The following WWOX variants were observed in gnomAD, a reference collection of about 807,000 sequenced individuals.
WWOX encodes the protein WW domain-containing oxidoreductase.
Under a neutral mutation model 46.2 loss-of-function variants are expected in WWOX, and 69 were observed. The observed-to-expected ratio is 1.49, with a 90% CI of 1.23 to 1.82. The LOEUF (loss-of-function observed/expected upper bound fraction) is 1.82. Among genes scored for constraint, WWOX ranks in the 40% most tolerant of loss-of-function variants. WWOX has a pLI of 0.00. For missense variants in WWOX, 919 were observed against 542.6 expected, an observed-to-expected ratio of 1.69 and a Z score of -6.89; for synonymous variants, 359 against 202.6, an observed-to-expected ratio of 1.77 and a Z score of -6.56.
At chr16:79,153,733 C>T (rs940317362) in intron 8 of WWOX, among the ~76,000 whole-genome samples, 3 of 152,126 alleles carry the variant, frequency 2.0e-5, no homozygotes, top group Non-Finnish European at 4.4e-5. Context: ...TGAAAGCAAC[C>T]TTTAGTATCA....
chr16:78,658,346 C>T (rs1337035456), intron 8 of WWOX, among the ~76,000 whole-genome samples: 1 of 152,176 alleles, frequency 6.6e-6, no homozygotes, highest in Non-Finnish European at 1.5e-5. Context: ...TCATTATGTG[C>T]CATGCCCTGC....
intron 8 of WWOX, among the ~76,000 whole-genome samples, chr16:78,575,807 C>G (rs984108039): frequency 6.6e-6 from 1 of 152,074 alleles, no homozygotes; most frequent in Non-Finnish European, 1.5e-5. Context: ...TAATGCCTGT[C>G]TATACTTTCA....
intron 8 of WWOX, among the ~76,000 whole-genome samples, chr16:79,018,759 A>C (rs749604416): frequency 2.0e-5 from 3 of 152,184 alleles, no homozygotes; most frequent in Non-Finnish European, 4.4e-5. Flanking sequence ...ATTTTCGGCA[A>C]GTGGTTCTGT....
At chr16:78,900,090 G>A (rs1178766260) in intron 8 of WWOX, among the ~76,000 whole-genome samples, 1 of 142,712 alleles carries the variant, frequency 7.0e-6, no homozygotes, top group South Asian at 2.2e-4. Flanking sequence ...CCTGCAGAGA[G>A]CGTTGCTGCT....
chr16:78,893,475 C>G (rs1456161349), intron 8 of WWOX, among the ~76,000 whole-genome samples: 1 of 152,152 alleles, frequency 6.6e-6, no homozygotes, highest in Non-Finnish European at 1.5e-5. Context: ...CATCTCCAGG[C>G]TAGAACAAGT....
At chr16:78,371,078 C>G (rs961523911) in intron 5 of WWOX, among the ~76,000 whole-genome samples, 6 of 149,818 alleles carry the variant, frequency 4.0e-5, no homozygotes, top group Admixed American at 6.7e-5. Flanking sequence ...AATTAGCATT[C>G]AAACTAATCG....
intron 8 of WWOX, among the ~76,000 whole-genome samples, chr16:79,143,694 T>G (rs2050132865): frequency 6.6e-6 from 1 of 152,142 alleles, no homozygotes; most frequent in African/African-American, 2.4e-5. Context: ...GTGTGGTGAC[T>G]CATTTGAACC....
At chr16:78,563,562 C>T (rs1472392984) in intron 8 of WWOX, among the ~76,000 whole-genome samples, 5 of 136,832 alleles carry the variant, frequency 3.7e-5, no homozygotes, top group South Asian at 2.3e-4. Flanking sequence ...TGCAATAGAA[C>T]GTAAAGGTAG....
At chr16:78,964,431 C>G (rs59064947) in intron 8 of WWOX, among the ~76,000 whole-genome samples, 1 of 152,138 alleles carries the variant, frequency 6.6e-6, no homozygotes, top group Non-Finnish European at 1.5e-5. Flanking sequence ...TTTGCCCCTG[C>G]GCTAGAGATT....
At chr16:79,058,106 TAAAAAAAAAAAAAACAAACAAACA>T (rs1567520545) in intron 8 of WWOX, among the ~76,000 whole-genome samples, 3 of 81,730 alleles carry the variant, frequency 3.7e-5, no homozygotes, top group African/African-American at 1.7e-4. Context: ...ATATCTTACT[TAAAAAAAAAAAAAACAAACAAACA>T]AAAAAAAAAA....
intron 5 of WWOX, among the ~76,000 whole-genome samples, chr16:78,178,664 G>T (rs1025067778): frequency 6.6e-6 from 1 of 152,090 alleles, no homozygotes; most frequent in Non-Finnish European, 1.5e-5. Context: ...TTAGGAGTTC[G>T]AGACCAGCCT....
At chr16:78,904,991 C>A (rs1325533882) in intron 8 of WWOX, among the ~76,000 whole-genome samples, 2 of 152,190 alleles carry the variant, frequency 1.3e-5, no homozygotes, top group African/African-American at 4.8e-5. Flanking sequence ...AGTACCTCAT[C>A]CTATAGTGTT....
At chr16:78,968,929 A>G (rs1283376571) in intron 8 of WWOX, among the ~76,000 whole-genome samples, 1 of 152,192 alleles carries the variant, frequency 6.6e-6, no homozygotes, top group Non-Finnish European at 1.5e-5. Context: ...GAAAAAAAAA[A>G]AAGACAACTT....
intron 5 of WWOX, among the ~76,000 whole-genome samples, chr16:78,374,527 ATTTTTTTTTTTTTTTTTTTTTT>A (rs541225697): frequency 2.8e-5 from 2 of 70,906 alleles, no homozygotes; most frequent in Admixed American, 1.6e-4. Flanking sequence ...TCTGTCTTGA[ATTTTTTTTTTTTTTTTTTTTTT>A]TTTTTTTTTT....
intron 8 of WWOX, among the ~76,000 whole-genome samples, chr16:78,744,207 T>C (rs1407002369): frequency 6.6e-6 from 1 of 151,998 alleles, no homozygotes; most frequent in African/African-American, 2.4e-5. Flanking sequence ...GAGAGCTGGG[T>C]AAGAGTTTGT....
intron 8 of WWOX, among the ~76,000 whole-genome samples, chr16:78,507,967 CTG>C (rs149454849): frequency 0.14 from 21,529 of 148,600 alleles, 1,666 homozygotes; most frequent in Non-Finnish European, 0.17. Context: ...TATGCATGGA[CTG>C]TGGTGTTTTT....
intron 8 of WWOX, among the ~76,000 whole-genome samples, chr16:78,837,437 G>A (rs1381698687): frequency 1.3e-5 from 2 of 152,204 alleles, no homozygotes; most frequent in African/African-American, 4.8e-5. Context: ...TGAACCAAAA[G>A]CAATTTAAGT....
intron 8 of WWOX, among the ~76,000 whole-genome samples, chr16:79,088,264 C>T (rs1044027751): frequency 1.3e-5 from 2 of 152,148 alleles, no homozygotes; most frequent in African/African-American, 4.8e-5. Flanking sequence ...GTGGATGGGA[C>T]GTTTTAAGGT....
At chr16:78,465,868 G>GAGACT (rs1383526008) in intron 8 of WWOX, among the ~76,000 whole-genome samples, 1 of 152,128 alleles carries the variant, frequency 6.6e-6, no homozygotes, top group Non-Finnish European at 1.5e-5. Context: ...TAAATTAAAA[G>GAGACT]AGACTAACAC....
Sources: allele counts gnomAD v4.1 joint callset (sites outside exome capture counted in the v4.1 genomes callset), GRCh38; gene constraint gnomAD v4.1.1; transcripts MANE v1.5; gene names NCBI Gene and HGNC (gene_info 2026-07-23, HGNC 2026-07-21).